RHOJ: variants seen among roughly 807,000 people sequenced by gnomAD.
RHOJ encodes the protein rho-related GTP-binding protein RhoJ.
RHOJ carries 11 observed loss-of-function variants against 23.4 expected under a neutral mutation model. That is an observed-to-expected ratio of 0.47 (90% confidence interval 0.30 to 0.78). RHOJ has a LOEUF of 0.78. Among genes scored for constraint, RHOJ ranks in the 30% least tolerant of loss-of-function variants. The pLI is 0.08. For synonymous variants in RHOJ, 102 were observed against 102.7 expected (o/e 0.99, Z 0.04); for missense variants, 254 against 273.4 (o/e 0.93, Z 0.50).
intron 2 of RHOJ, among the ~76,000 whole-genome samples, chr14:63,272,541 A>G (rs1296884946): frequency 6.6e-6 from 1 of 152,180 alleles, no homozygotes; most frequent in Non-Finnish European, 1.5e-5. Context: ...ACTGAAGCAA[A>G]TGTGTTCTGA....
chr14:63,290,984 A>C lies in RHOJ; in HGVS notation c.605A>C (p.Lys202Thr). 6.2e-7 allele frequency: 1 copy of C among 1,614,192 alleles called. No individual in the cohort carries two copies. The highest frequency in any genetic ancestry group is 8.5e-7 in the Non-Finnish European group (1 of 1,180,028). ...ATTTTCCACCCCAAGAAAAAGAAGAAACGCTGTTCTGAGGGTCACAGCTGC... is the reference window on the plus strand; with the variant it reads ...ATTTTCCACCCCAAGAAAAAGAAGACACGCTGTTCTGAGGGTCACAGCTGC... ...LTIFHPKKKK[K>T]RCSEGHSCCS... Residue 202 changes from lysine to threonine, a missense_variant, in exon 5 of 5, where the codon AAA becomes ACA. Lys to Thr is a moderately conservative substitution (Grantham distance 78). Transcript: ENST00000316754.
chr14:63,292,050 T>C lies in RHOJ; in HGVS notation c.*1026T>C, dbSNP rs1162885265. The C allele has an allele frequency of 6.6e-6, 1 of 152,164 alleles. No homozygotes were observed. The highest frequency in any genetic ancestry group is 2.4e-5 in the African/African-American group (1 of 41,440). 9.4% of individuals were successfully genotyped at this position (152,164 alleles called of 1,614,324 possible). A position where few individuals can be genotyped will look rare whatever the true frequency, so the allele number is the denominator to read the frequency against. ...TTATAACCCAGTTATAAAAGAAAGA[T>C]CTGAGCATAAAGATACGTGTTTAAA... On this transcript the variant is annotated 3_prime_UTR_variant, in exon 5 of 5. Transcript: ENST00000316754.
intron 1 of RHOJ, among the ~76,000 whole-genome samples, chr14:63,256,120 C>T (rs769374711): frequency 1.3e-5 from 2 of 151,972 alleles, no homozygotes; most frequent in Non-Finnish European, 1.5e-5. Flanking sequence ...TTCCTGGGCT[C>T]AAGAAGCGAT....
At chr14:63,245,854 G>A (rs1027470626) in intron 1 of RHOJ, among the ~76,000 whole-genome samples, 4 of 152,212 alleles carry the variant, frequency 2.6e-5, no homozygotes, top group African/African-American at 9.6e-5. Flanking sequence ...GGCCATCAGA[G>A]TCATCAGAAG....
At chr14:63,286,699 A>T (rs1303083764) in intron 4 of RHOJ, among the ~76,000 whole-genome samples, 1 of 152,236 alleles carries the variant, frequency 6.6e-6, no homozygotes, top group Admixed American at 6.5e-5. Context: ...AGAAACTGTT[A>T]AACAGTCTCT....
At chr14:63,228,780 T>A (rs1894640380) in intron 1 of RHOJ, among the ~76,000 whole-genome samples, 1 of 152,224 alleles carries the variant, frequency 6.6e-6, no homozygotes, top group Admixed American at 6.5e-5. Context: ...ATTAGACTAT[T>A]CACTGCATGC....
chr14:63,228,053 T>C (rs1894626258), intron 1 of RHOJ, among the ~76,000 whole-genome samples: 3 of 152,046 alleles, frequency 2.0e-5, no homozygotes, highest in Non-Finnish European at 2.9e-5. Flanking sequence ...ACCTACCAAC[T>C]CCCCTAGGGC....
At position 63,291,830 on chromosome 14, in the gene RHOJ, T is replaced by C. The variant is rs1882263701; in HGVS notation, c.*806T>C. On this transcript the variant is annotated 3_prime_UTR_variant, in exon 5 of 5. Transcript: ENST00000316754. ...ATGTATTGCCACGACAAACTAAAAA[T>C]GAACTGTGTTTAAGAATGTAGTATT... is the stretch of plus-strand genomic sequence containing the variant. 1 of 152,790 alleles carries C rather than the reference T, an allele frequency of 6.5e-6. No homozygotes were observed. The highest frequency in any genetic ancestry group is 2.4e-5 in the African/African-American group (1 of 41,456). The allele number at this position is 152,790 out of a possible 1,614,324, so 9.5% of individuals were successfully genotyped here.
chr14:63,221,592 C>T (rs1894495084), intron 1 of RHOJ, among the ~76,000 whole-genome samples: 1 of 152,210 alleles, frequency 6.6e-6, no homozygotes, highest in African/African-American at 2.4e-5. Flanking sequence ...GTGATGAGAA[C>T]TGTGTTACGC....
At chr14:63,265,971 T>C (rs374483043) in intron 1 of RHOJ, among the ~76,000 whole-genome samples, 6 of 152,298 alleles carry the variant, frequency 3.9e-5, no homozygotes, top group East Asian at 1.9e-4. Context: ...GATAGTTATA[T>C]AGATGAAGCC....
intron 1 of RHOJ, among the ~76,000 whole-genome samples, chr14:63,216,187 T>C (rs1356887075): frequency 1.3e-5 from 2 of 152,236 alleles, no homozygotes; most frequent in African/African-American, 2.4e-5. Context: ...GTGATTTAGC[T>C]AGGCATAAAG....
intron 3 of RHOJ, among the ~76,000 whole-genome samples, chr14:63,282,285 TGC>T (rs1491097253): frequency 2.6e-5 from 3 of 116,256 alleles, no homozygotes; most frequent in East Asian, 2.5e-4. Flanking sequence ...CACAAACACA[TGC>T]ACACACACAC....
chr14:63,234,052 G>A (rs982416397), intron 1 of RHOJ, among the ~76,000 whole-genome samples: 2 of 152,220 alleles, frequency 1.3e-5, no homozygotes, highest in Non-Finnish European at 2.9e-5. Context: ...CCACATTTGT[G>A]CAAGCCACCT....
intron 1 of RHOJ, among the ~76,000 whole-genome samples, chr14:63,225,046 G>A (rs1044187308): frequency 2.0e-5 from 3 of 150,174 alleles, no homozygotes; most frequent in East Asian, 2.0e-4. Context: ...TCCGCCTTCC[G>A]GTTCACGCCA....
Position 63,244,253 on chromosome 14 carries a change from T to C in RHOJ, c.179-24857T>C, listed in dbSNP as rs1293356405. Among the ~76,000 whole-genome samples, 6 of 152,214 alleles carry C rather than the reference T, an allele frequency of 3.9e-5. No homozygotes were observed. In the South Asian group the frequency reaches 1.0e-3, roughly 26 times the overall value. Reference sequence around the variant, plus strand: ...GCTATTATTGTTGTTTGTGAAGCTATTGAGAACATTATCAAAAAAAGGTAA... The same window carrying C: ...GCTATTATTGTTGTTTGTGAAGCTACTGAGAACATTATCAAAAAAAGGTAA... On this transcript the variant is annotated intron_variant, in intron 1 of 4. Transcript: ENST00000316754.
intron 1 of RHOJ, among the ~76,000 whole-genome samples, chr14:63,251,791 A>G (rs1594766043): frequency 6.6e-6 from 1 of 152,212 alleles, no homozygotes; most frequent in East Asian, 1.9e-4. Context: ...TTCTGTAACA[A>G]ATTACCACAA....
In RHOJ at chr14:63,256,847, G is replaced by T. The variant is rs569576550; in HGVS notation, c.179-12263G>T. On this transcript the variant is annotated intron_variant, in intron 1 of 4. Coordinates refer to ENST00000316754, the MANE Select transcript of RHOJ (RefSeq NM_020663.5). ...CCAAAACTTTGGGAGGTCGAGGCAG[G>T]CGGGTCATGAGGTCAGAAGTTTGAG... is the stretch of plus-strand genomic sequence containing the variant. 7.9e-5 allele frequency among the ~76,000 whole-genome samples: 12 copies of T among 152,278 alleles called. No individual in the cohort carries two copies. In the South Asian group the frequency reaches 2.5e-3, roughly 32 times the overall value.
intron 2 of RHOJ, among the ~76,000 whole-genome samples, chr14:63,274,804 G>A (rs1881666177): frequency 1.3e-5 from 2 of 152,116 alleles, no homozygotes; most frequent in Admixed American, 1.3e-4. Context: ...CACCACCCAT[G>A]TTCTTAAGCA....
intron 1 of RHOJ, among the ~76,000 whole-genome samples, chr14:63,220,658 G>A (rs1267141923): frequency 6.6e-6 from 1 of 152,058 alleles, no homozygotes; most frequent in African/African-American, 2.4e-5. Context: ...AGATCTGCCT[G>A]GAATCCTGTT....
Sources: gnomAD v4.1 joint callset for allele counts (sites outside exome capture counted in the v4.1 genomes callset) on GRCh38, gnomAD v4.1.1 for gene constraint, MANE v1.5 for transcripts, NCBI Gene and HGNC (gene_info 2026-07-23, HGNC 2026-07-21) for gene names.